NUMA1: variants seen among roughly 807,000 people sequenced by gnomAD.
NUMA1 encodes the protein nuclear mitotic apparatus protein 1, also known as SP-H antigen.
In NUMA1, 62 loss-of-function variants were observed where a neutral mutation model predicts 237.1. The ratio of observed to expected loss-of-function variants is 0.26; its 90% confidence interval spans 0.21 to 0.32. The LOEUF (loss-of-function observed/expected upper bound fraction) is 0.32. NUMA1 is among the 10% of genes least tolerant of loss of function. The probability of loss-of-function intolerance (pLI) is 1.00; values close to 1 mark genes in which losing one functional copy is unlikely to be tolerated. For synonymous variants in NUMA1, 1,028 were observed against 1,066.1 expected, an observed-to-expected ratio of 0.96 and a Z score of 0.70; for missense variants, 2,533 against 2,666.5, an observed-to-expected ratio of 0.95 and a Z score of 1.10.
At position 72,013,087 on chromosome 11, in the gene NUMA1, G is replaced by A; in HGVS notation, c.4416C>T (p.Ala1472=). ...RQFLEVELDQ[A]REKYVQELAA... is the part of the protein sequence containing the mutation. ...CCAACTCTTGGACATACTTCTCCCG[G>A]GCCTGGTCCAACTCCACTTCCAGAA... Residue 1472 remains alanine, a synonymous_variant, in exon 15 of 27, where the codon GCC becomes GCT. Transcript: ENST00000393695. The surrounding 1 kb of genome is among the most constrained non-coding windows in gnomAD (Gnocchi z 6.8). 2 of 1,614,160 alleles carry A rather than the reference G, an allele frequency of 1.2e-6. No homozygotes were observed. Among genetic ancestry groups the A allele is most frequent in the African/African-American group, 1.3e-5 (1 of 75,046 alleles).
intron 1 of NUMA1, 60 bp downstream of exon 1, chr11:72,080,398 G>A (rs1436085633): frequency 6.6e-6 from 1 of 151,564 alleles, no homozygotes; most frequent in Non-Finnish European, 1.5e-5. Flanking sequence ...ACCCCTTTTA[G>A]GCCTGAGCAC....
At position 72,013,767 on chromosome 11, in the gene NUMA1, C is replaced by G. The variant is rs370530216; in HGVS notation, c.3736G>C (p.Gly1246Arg). Residue 1246 changes from glycine to arginine, a missense_variant, in exon 15 of 27, where the codon GGG becomes CGG. Gly to Arg is a moderately radical substitution (Grantham distance 125). This residue lies in a region of NUMA1 where 324 missense variants were observed against 407.6 expected (regional missense o/e 0.79). Transcript: ENST00000393695. This position sits in a 1 kb window ranked among gnomAD's most constrained non-coding sequence, Gnocchi z 6.8. The part of the protein sequence containing the change: ...ILNRQVLEKE[G>R]ESKELKRLVM... ...AGCCGCTTCAACTCCTTGCTCTCCC[C>G]CTCCTTCTCCAGGACCTGGCGATTC... 4.3e-6 allele frequency: 7 copies of G among 1,610,060 alleles called. No homozygotes were observed. The highest frequency in any genetic ancestry group is 2.2e-5 in the East Asian group (1 of 44,868).
intron 2 of NUMA1, among the ~76,000 whole-genome samples, chr11:72,046,140 G>A (rs1292995884): frequency 6.6e-6 from 1 of 152,222 alleles, no homozygotes; most frequent in Non-Finnish European, 1.5e-5. Flanking sequence ...GGCAGCAGCA[G>A]AATTTCCACA....
chr11:72,023,122 T>A lies in NUMA1; in HGVS notation c.234A>T (p.Pro78=), dbSNP rs1255217149. The change falls in exon 6 of 27, where the codon CCA becomes CCT. Residue 78 remains proline (P), a synonymous_variant. Transcript: ENST00000393695. The part of the protein sequence containing the change: ...LQKNRKHPSS[P]ECLVSAQKVL... The stretch of plus-strand genomic sequence containing the variant: ...CCTTCTGTGCAGATACCAGGCATTC[T>A]GGGGAAGAGGGATGTTTTCGATTTT... 1.9e-6 allele frequency: 3 copies of A among 1,613,890 alleles called. No individual in the cohort carries two copies. Among genetic ancestry groups the A allele is most frequent in the Non-Finnish European group, 2.5e-6 (3 of 1,179,896 alleles).
At chr11:72,043,502 C>G (rs1941818859) in intron 2 of NUMA1, among the ~76,000 whole-genome samples, 1 of 147,012 alleles carries the variant, frequency 6.8e-6, no homozygotes, top group Non-Finnish European at 1.5e-5. Context: ...AGTGGGAGTA[C>G]AGGTGTGTGC....
intron 3 of NUMA1, among the ~76,000 whole-genome samples, chr11:72,035,700 G>A (rs190065338): frequency 7.6e-4 from 116 of 152,078 alleles, no homozygotes; most frequent in African/African-American, 2.4e-3. Context: ...CATAAGCTCC[G>A]CACCCGGCCC....
At chr11:72,012,803 T>C in intron 15 of NUMA1, 92 bp downstream of exon 15, 2 of 1,513,930 alleles carry the variant, frequency 1.3e-6, no homozygotes, top group Non-Finnish European at 1.8e-6. Context: ...GACACTCCAG[T>C]GTAGGAGCTA....
chr11:72,074,213 G>A (rs1035818909), intron 1 of NUMA1, among the ~76,000 whole-genome samples: 29 of 11,814 alleles, frequency 2.5e-3, no homozygotes, highest in Non-Finnish European at 3.3e-3. Flanking sequence ...TTAACCAGAC[G>A]GTAGTGGTGT....
chr11:72,053,533 T>G (rs572150274), intron 2 of NUMA1, among the ~76,000 whole-genome samples: 1 of 152,254 alleles, frequency 6.6e-6, no homozygotes, highest in East Asian at 1.9e-4. Context: ...AGAAGACAGT[T>G]TGAAGTAAGG....
intron 21 of NUMA1, 119 bp downstream of exon 21, chr11:72,007,070 C>T: frequency 8.1e-7 from 1 of 1,242,052 alleles, no homozygotes; most frequent in Non-Finnish European, 1.1e-6. Context: ...TCAGCTTTCC[C>T]ACTGTAACAT....
At chr11:72,011,809 C>G (rs181336915) in intron 16 of NUMA1, among the ~76,000 whole-genome samples, 1 of 152,224 alleles carries the variant, frequency 6.6e-6, no homozygotes, top group East Asian at 1.9e-4. Context: ...CCGCCCCCAT[C>G]TGGTATAGAC....
chr11:72,056,803 A>G (rs912726812), intron 2 of NUMA1, among the ~76,000 whole-genome samples: 1 of 152,124 alleles, frequency 6.6e-6, no homozygotes, highest in Non-Finnish European at 1.5e-5. Context: ...CTCAAATAAC[A>G]TATCCACCCA....
intron 2 of NUMA1, among the ~76,000 whole-genome samples, chr11:72,052,138 G>A (rs968120170): frequency 1.3e-5 from 2 of 152,192 alleles, no homozygotes; most frequent in African/African-American, 4.8e-5. Flanking sequence ...TACAGACGTA[G>A]AGACAATGCT....
chr11:72,006,165 A>G lies in NUMA1; in HGVS notation c.5562T>C (p.Thr1854=). 2 of 1,614,122 alleles carry G rather than the reference A, an allele frequency of 1.2e-6. No individual in the cohort carries two copies. Among genetic ancestry groups the G allele is most frequent in the Non-Finnish European group, 1.7e-6 (2 of 1,180,018 alleles). The change falls in exon 22 of 27, where the codon ACT becomes ACC. Residue 1854 remains threonine (T), a synonymous_variant. Coordinates refer to ENST00000393695, the MANE Select transcript of NUMA1 (RefSeq NM_006185.4). ...GAGAACCCAGGCGAGCTAGAGACTG[A>G]GTAGAGGAGGTGGCTCGCAGGCTAG... is the stretch of plus-strand genomic sequence containing the variant. ...SQASLRATSS[T]QSLARLGSPD... is the part of the protein sequence containing the mutation.
chr11:72,031,229 A>G (rs1483080111), intron 3 of NUMA1, among the ~76,000 whole-genome samples: 1 of 152,020 alleles, frequency 6.6e-6, no homozygotes, highest in Non-Finnish European at 1.5e-5. Flanking sequence ...TGAGCCCAGG[A>G]GCTGGAGAAG....
At position 72,003,920 on chromosome 11, in the gene NUMA1, G is replaced by A. The variant is rs768146004; in HGVS notation, c.6303C>T (p.Ala2101=). 44 of 1,613,114 alleles carry A rather than the reference G, an allele frequency of 2.7e-5. No individual in the cohort carries two copies. In the Middle Eastern group the frequency reaches 6.7e-4, roughly 24 times the overall value. ...TGGCTCGAGGGGTGGCACCAATGGC[G>A]GCAGCAGTGGCGGCGCTGGCTGTGG... ...ATTTASAATA[A]AIGATPRAKG... is the part of the protein sequence containing the mutation. The change falls in exon 26 of 27, where the codon GCC becomes GCT. Residue 2101 remains alanine, a synonymous_variant. Coordinates refer to ENST00000393695, the MANE Select transcript of NUMA1 (RefSeq NM_006185.4).
At position 72,004,749 on chromosome 11, in the gene NUMA1, C is replaced by T. The variant is rs754982600; in HGVS notation, c.5897G>A (p.Arg1966His). 44 of 1,610,206 alleles carry T rather than the reference C, an allele frequency of 2.7e-5. No homozygotes were observed. The East Asian group carries it at 6.5e-4, about 24-fold the overall frequency. ...CTGGATTGGCTGCATGCTGGCTCGG[C>T]GCAGGGTCTCTTGGGGGTCTCCAGT... is the stretch of plus-strand genomic sequence containing the variant. ...MKTGDPQETL[R>H]RASMQPIQIA... Residue 1966 changes from arginine (R) to histidine (H), a missense_variant, in exon 24 of 27, where the codon CGC becomes CAC. By Grantham distance (29) the Arg-to-His change is conservative. Transcript: ENST00000393695.
intron 8 of NUMA1, chr11:72,020,688 C>T (rs1357385493): frequency 6.6e-6 from 1 of 152,576 alleles, no homozygotes; most frequent in Non-Finnish European, 1.5e-5. Context: ...GCCTAATCAA[C>T]ATGGTGAAAC....
chr11:72,018,116 C>G (rs1015666688), intron 12 of NUMA1, 67 bp downstream of exon 12: 4 of 1,174,762 alleles, frequency 3.4e-6, no homozygotes, highest in Non-Finnish European at 5.1e-6. Flanking sequence ...TCAACCCTCT[C>G]TTGGGGAGCC....
Sources: gnomAD v4.1 joint callset for allele counts (sites outside exome capture counted in the v4.1 genomes callset) on GRCh38, gnomAD v4.1.1 for gene constraint, gnomAD v4.1.1 regional missense constraint, Gnocchi (gnomAD v3.1) non-coding constraint, MANE v1.5 for transcripts, NCBI Gene and HGNC (gene_info 2026-07-23, HGNC 2026-07-21) for gene names.